ABCG2: variants seen among roughly 807,000 people sequenced by gnomAD.
ABCG2 encodes broad substrate specificity ATP-binding cassette transporter ABCG2.
ABCG2 carries 80 observed loss-of-function variants against 73.5 expected under a neutral mutation model. The ratio of observed to expected loss-of-function variants is 1.09; its 90% CI spans 0.91 to 1.31. ABCG2 has a LOEUF of 1.31. Ranked by LOEUF, ABCG2 falls within the 50% of genes most tolerant of loss-of-function variation. ABCG2 has a pLI of 0.00. For synonymous variants in ABCG2, 269 were observed against 282.4 expected (o/e 0.95, Z 0.48); for missense variants, 796 against 786.2 (o/e 1.01, Z -0.15).
chr4:88,202,374 A>ATATATATATATATATGTATATATATG (rs1240795047), intron 1 of ABCG2, among the ~76,000 whole-genome samples: 10 of 115,812 alleles, frequency 8.6e-5, no homozygotes, highest in Non-Finnish European at 1.8e-4. Flanking sequence ...ATATATATAT[A>ATATATATATATATATGTATATATATG]TATGTATATT....
intron 9 of ABCG2, among the ~76,000 whole-genome samples, chr4:88,108,578 A>G (rs1722914035): frequency 6.6e-6 from 1 of 152,144 alleles, no homozygotes; most frequent in African/African-American, 2.4e-5. Flanking sequence ...AGAAATGGTA[A>G]TCTAAAGAAG....
At chr4:88,175,715 T>C (rs1319257677) in intron 1 of ABCG2, among the ~76,000 whole-genome samples, 4 of 152,228 alleles carry the variant, frequency 2.6e-5, no homozygotes, top group Non-Finnish European at 5.9e-5. Flanking sequence ...TGCCTTCAAG[T>C]TAGTAGTCTC....
chr4:88,187,998 T>A (rs943330530), intron 1 of ABCG2, among the ~76,000 whole-genome samples: 2 of 152,184 alleles, frequency 1.3e-5, no homozygotes, highest in African/African-American at 4.8e-5. Context: ...TGGTCATGGG[T>A]TGGGGAGGGA....
In ABCG2 at chr4:88,209,078, C is replaced by T. The variant is rs554536514; in HGVS notation, c.-20+21916G>A. On this transcript the variant is annotated intron_variant, in intron 1 of 15. Coordinates refer to the ABCG2 transcript ENST00000515655. ...CTATAATCTCAGCACCTTGGGAGGC[C>T]GAGGCAGTCGGATCACCTGAGGTCA... is the stretch of plus-strand genomic sequence containing the variant. Among the ~76,000 whole-genome samples, 400 of 151,952 alleles carry T rather than the reference C, an allele frequency of 2.6e-3. 2 individuals carry two copies. Among genetic ancestry groups the T allele is most frequent in the African/African-American group, 8.5e-3 (351 of 41,446 alleles).
intron 1 of ABCG2, among the ~76,000 whole-genome samples, chr4:88,225,583 G>A (rs1410105167): frequency 6.6e-6 from 1 of 152,186 alleles, no homozygotes; most frequent in African/African-American, 2.4e-5. Context: ...GGCTCCATAG[G>A]AGGTAGACTG....
chr4:88,194,288 C>T (rs917087961), intron 1 of ABCG2, among the ~76,000 whole-genome samples: 5 of 151,348 alleles, frequency 3.3e-5, no homozygotes, highest in Admixed American at 6.6e-5. Flanking sequence ...CTGTGGCTCA[C>T]GCCTGTAATC....
At chr4:88,109,781 TAG>T (rs1287320512) in intron 9 of ABCG2, among the ~76,000 whole-genome samples, 1 of 152,196 alleles carries the variant, frequency 6.6e-6, no homozygotes, top group Non-Finnish European at 1.5e-5. Context: ...GATTTATCAG[TAG>T]AGAGTCATAA....
intron 1 of ABCG2, among the ~76,000 whole-genome samples, chr4:88,228,698 G>A (rs1324143555): frequency 6.6e-6 from 1 of 152,194 alleles, no homozygotes; most frequent in Non-Finnish European, 1.5e-5. Context: ...GAACTTTTCT[G>A]TCTAGCTAGA....
intron 1 of ABCG2, among the ~76,000 whole-genome samples, chr4:88,146,654 A>C (rs886978215): frequency 2.0e-5 from 3 of 152,128 alleles, no homozygotes; most frequent in Non-Finnish European, 2.9e-5. Context: ...TCAGCCTCCC[A>C]AAGTGCTGGG....
intron 1 of ABCG2, among the ~76,000 whole-genome samples, chr4:88,204,376 G>A (rs1399822306): frequency 2.0e-5 from 3 of 152,134 alleles, no homozygotes; most frequent in African/African-American, 2.4e-5. Flanking sequence ...AGCCGAGATC[G>A]TGCCACTGCA....
chr4:88,163,368 G>A (rs28393879), upstream of ABCG2, among the ~76,000 whole-genome samples: 4 of 152,150 alleles, frequency 2.6e-5, no homozygotes, highest in Non-Finnish European at 5.9e-5. Flanking sequence ...CTATCTTAGG[G>A]TTCAGAGAAA....
intron 1 of ABCG2, among the ~76,000 whole-genome samples, chr4:88,177,929 G>A (rs575952396): frequency 5.9e-5 from 9 of 152,310 alleles, no homozygotes; most frequent in African/African-American, 2.2e-4. Flanking sequence ...CAGAGTTCCA[G>A]CAAGCCTTAT....
At chr4:88,159,494 T>C (rs1413505689), upstream of ABCG2, among the ~76,000 whole-genome samples, 2 of 152,222 alleles carry the variant, frequency 1.3e-5, no homozygotes, top group Non-Finnish European at 1.5e-5. Context: ...CATACTTCTG[T>C]GCAATATTCC....
chr4:88,150,907 C>T (rs529627627), intron 1 of ABCG2, among the ~76,000 whole-genome samples: 4 of 152,282 alleles, frequency 2.6e-5, no homozygotes, highest in Admixed American at 1.3e-4. Flanking sequence ...CTCCCTGAAA[C>T]CTATTATCTG....
chr4:88,197,194 C>CAA (rs541237674), intron 1 of ABCG2, among the ~76,000 whole-genome samples: 9,778 of 92,720 alleles, frequency 0.11, 450 homozygotes, highest in Non-Finnish European at 0.15. Context: ...TGGCTTTCAA[C>CAA]AACAAAAAAA....
At chr4:88,180,342 G>A (rs528431897) in intron 1 of ABCG2, among the ~76,000 whole-genome samples, 63 of 152,058 alleles carry the variant, frequency 4.1e-4, no homozygotes, top group African/African-American at 1.3e-3. Flanking sequence ...CTTCAAATAT[G>A]GAAAAATAAA....
chr4:88,119,033 A>G (rs1359471962), intron 6 of ABCG2, among the ~76,000 whole-genome samples: 1 of 152,150 alleles, frequency 6.6e-6, no homozygotes, highest in African/African-American at 2.4e-5. Context: ...CTCACCTTCA[A>G]TTGTAACAAT....
chr4:88,167,512 A>G (rs1727587622), intron 1 of ABCG2, among the ~76,000 whole-genome samples: 1 of 151,590 alleles, frequency 6.6e-6, no homozygotes, highest in Non-Finnish European at 1.5e-5. Flanking sequence ...TAGCTGGACT[A>G]CAGGCATGCG....
chr4:88,211,358 G>GCCCCCGCCC (rs1264405228), intron 1 of ABCG2, among the ~76,000 whole-genome samples: 1 of 33,648 alleles, frequency 3.0e-5, no homozygotes, highest in Non-Finnish European at 5.6e-5. Flanking sequence ...TTCAACCCCT[G>GCCCCCGCCC]CCCCACCCCC....
Sources: gnomAD v4.1 joint callset for allele counts (sites outside exome capture counted in the v4.1 genomes callset) on GRCh38, gnomAD v4.1.1 for gene constraint, MANE v1.5 for transcripts, NCBI Gene and HGNC (gene_info 2026-07-23, HGNC 2026-07-21) for gene names.